GALNT1: variants seen among roughly 807,000 people sequenced by gnomAD.
GALNT1 encodes GalNAc transferase 1.
In GALNT1, 17 loss-of-function variants were observed where a neutral mutation model predicts 65.7. The observed-to-expected ratio is 0.26, with a 90% CI of 0.18 to 0.39. The LOEUF is 0.39. Ranked by LOEUF, GALNT1 falls within the 10% of genes least tolerant of loss-of-function variation. The pLI, the probability that GALNT1 is intolerant of heterozygous loss-of-function variation, is 1.00. For synonymous variants in GALNT1, 210 were observed against 219.7 expected, an observed-to-expected ratio of 0.96 and a Z score of 0.39; for missense variants, 460 against 672.8, an observed-to-expected ratio of 0.68 and a Z score of 3.50.
intron 3 of GALNT1, among the ~76,000 whole-genome samples, chr18:35,675,941 CTA>C (rs1192496132): frequency 5.9e-5 from 9 of 152,270 alleles, no homozygotes; most frequent in African/African-American, 2.2e-4. Context: ...GCTTGCTCAG[CTA>C]TGATGTACCT....
At chr18:35,582,035 C>A (rs1373107645) in intron 1 of GALNT1, among the ~76,000 whole-genome samples, 173 bp downstream of exon 1, 1 of 151,998 alleles carries the variant, frequency 6.6e-6, no homozygotes. Flanking sequence ...ACCCCGGTGC[C>A]GTTGGACACG....
chr18:35,681,486 C>CT (rs2047785305), intron 4 of GALNT1, among the ~76,000 whole-genome samples: 2 of 147,884 alleles, frequency 1.4e-5, no homozygotes, highest in Non-Finnish European at 3.0e-5. Context: ...CAGAATCATG[C>CT]ATTTTTTTTT....
chr18:35,648,085 AG>A (rs1217001311), intron 1 of GALNT1, among the ~76,000 whole-genome samples: 1 of 125,660 alleles, frequency 8.0e-6, no homozygotes, highest in Non-Finnish European at 1.6e-5. Context: ...GAAGTGAGGA[AG>A]GGTGGAAGGG....
chr18:35,685,164 TCATG>T (rs2047847901), intron 5 of GALNT1, among the ~76,000 whole-genome samples: 1 of 152,118 alleles, frequency 6.6e-6, no homozygotes, highest in Non-Finnish European at 1.5e-5. Flanking sequence ...GCAAATCTGT[TCATG>T]AATGCTAGTA....
intron 9 of GALNT1, among the ~76,000 whole-genome samples, chr18:35,702,183 C>T (rs536654659): frequency 6.6e-6 from 1 of 152,294 alleles, no homozygotes; most frequent in African/African-American, 2.4e-5. Context: ...TTATCTATCA[C>T]ACAAAATTAG....
At chr18:35,599,804 C>A (rs868071551) in intron 1 of GALNT1, among the ~76,000 whole-genome samples, 9 of 152,152 alleles carry the variant, frequency 5.9e-5, no homozygotes, top group Admixed American at 2.0e-4. Flanking sequence ...AGTGATTATT[C>A]TTCTTGCCTT....
chr18:35,684,599 A>G (rs2144614868), intron 5 of GALNT1, among the ~76,000 whole-genome samples: 1 of 152,342 alleles, frequency 6.6e-6, no homozygotes, highest in East Asian at 1.9e-4. Context: ...TGAAATAGCA[A>G]CCACAGTGAC....
At chr18:35,586,905 T>G (rs2046384045) in intron 1 of GALNT1, among the ~76,000 whole-genome samples, 2 of 151,706 alleles carry the variant, frequency 1.3e-5, no homozygotes. Context: ...GCAGTAGACC[T>G]GTATCAGTAT....
intron 11 of GALNT1, among the ~76,000 whole-genome samples, chr18:35,705,427 A>G (rs2051288): frequency 0.085 from 12,957 of 152,220 alleles, 601 homozygotes; most frequent in African/African-American, 0.12. Context: ...ATCTTTTATA[A>G]ATCCTGGGTC....
At chr18:35,629,861 G>C (rs1460801415) in intron 1 of GALNT1, among the ~76,000 whole-genome samples, 2 of 152,108 alleles carry the variant, frequency 1.3e-5, no homozygotes, top group Non-Finnish European at 2.9e-5. Context: ...GATGGAGGAA[G>C]ATCCACCAAG....
At chr18:35,584,375 A>G (rs1156535147) in intron 1 of GALNT1, among the ~76,000 whole-genome samples, 1 of 152,192 alleles carries the variant, frequency 6.6e-6, no homozygotes, top group African/African-American at 2.4e-5. Context: ...TTGCAGTTAT[A>G]TACCAAGTTT....
At chr18:35,588,382 C>T (rs1246096828) in intron 1 of GALNT1, among the ~76,000 whole-genome samples, 4 of 152,050 alleles carry the variant, frequency 2.6e-5, no homozygotes, top group South Asian at 2.1e-4. Context: ...CTTTAGTTTT[C>T]GAAAGTTTTA....
At chr18:35,581,327 G>T (rs2046309324), upstream of GALNT1, 1 of 151,312 alleles carries the variant, frequency 6.6e-6, no homozygotes, top group Non-Finnish European at 1.5e-5. Context: ...CCGGGACTGG[G>T]CGGTCGGTCC....
chr18:35,599,486 T>G (rs1284757955), intron 1 of GALNT1, among the ~76,000 whole-genome samples: 5 of 148,102 alleles, frequency 3.4e-5, no homozygotes, highest in Admixed American at 2.7e-4. Flanking sequence ...TCCTCCCACC[T>G]CAGCCTCCTA....
At position 35,619,789 on chromosome 18, in the gene GALNT1, G is replaced by T. The variant is rs557249870; in HGVS notation, c.-103-34771G>T. Among the ~76,000 whole-genome samples the T allele has an allele frequency of 9.5e-4, 144 of 152,276 alleles. 1 individual carries two copies. The highest frequency in any genetic ancestry group is 3.0e-3 in the African/African-American group (125 of 41,556). On this transcript the variant is annotated intron_variant, in intron 1 of 11. Coordinates refer to ENST00000269195, the MANE Select transcript of GALNT1 (RefSeq NM_020474.4). ...CTCATAGAGTATACATGTTGTCTCTGCGTTTTAACTTGATCTGTGGACCAA... is the reference window on the plus strand; with the variant it reads ...CTCATAGAGTATACATGTTGTCTCTTCGTTTTAACTTGATCTGTGGACCAA...
chr18:35,656,974 A>G (rs1225164811), intron 2 of GALNT1, among the ~76,000 whole-genome samples: 3 of 152,162 alleles, frequency 2.0e-5, no homozygotes, highest in Non-Finnish European at 4.4e-5. Flanking sequence ...GAAAGAGAAA[A>G]GTCTAAGGTG....
chr18:35,665,880 T>C (rs1197683612), intron 3 of GALNT1, among the ~76,000 whole-genome samples: 1 of 152,112 alleles, frequency 6.6e-6, no homozygotes, highest in Non-Finnish European at 1.5e-5. Context: ...AACCTTGGTT[T>C]TAAATAAACC....
At chr18:35,630,312 T>C (rs2046988594) in intron 1 of GALNT1, among the ~76,000 whole-genome samples, 1 of 152,172 alleles carries the variant, frequency 6.6e-6, no homozygotes. Flanking sequence ...AGTAAAGCAC[T>C]CCTCAGCAAA....
chr18:35,631,535 T>C (rs2047010031), intron 1 of GALNT1, among the ~76,000 whole-genome samples: 1 of 152,116 alleles, frequency 6.6e-6, no homozygotes, highest in Non-Finnish European at 1.5e-5. Context: ...CTGAATAAAT[T>C]AGGTATTCAT....
Sources: gnomAD v4.1 joint callset for allele counts (sites outside exome capture counted in the v4.1 genomes callset) on GRCh38, gnomAD v4.1.1 for gene constraint, MANE v1.5 for transcripts, NCBI Gene and HGNC (gene_info 2026-07-23, HGNC 2026-07-21) for gene names.